FBXW8: variants seen among roughly 807,000 people sequenced by gnomAD.
The protein encoded by FBXW8 is F-box and WD repeat domain containing 8, also known as F-box/WD repeat-containing protein 8.
In FBXW8, 57 loss-of-function variants were observed where a neutral mutation model predicts 65.3. That is an observed-to-expected ratio of 0.87 (90% confidence interval 0.71 to 1.09). FBXW8 has a LOEUF of 1.09. Among genes scored for constraint, FBXW8 ranks in the 50% least tolerant of loss-of-function variants. The pLI is 0.00. For synonymous variants in FBXW8, 308 were observed against 330.2 expected (o/e 0.93, Z 0.73); for missense variants, 777 against 814.8 (o/e 0.95, Z 0.57).
intron 4 of FBXW8, among the ~76,000 whole-genome samples, chr12:116,953,799 AAAAC>A (rs373066028): frequency 2.1e-5 from 3 of 145,714 alleles, no homozygotes; most frequent in African/African-American, 5.1e-5. Context: ...AAAACAAAAC[AAAAC>A]AAACAAACAA....
At chr12:116,938,577 C>T (rs571622050) in intron 2 of FBXW8, among the ~76,000 whole-genome samples, 123 of 152,318 alleles carry the variant, frequency 8.1e-4, no homozygotes, top group South Asian at 2.7e-3. Context: ...CTTCCAACAT[C>T]TTTAAGGTCC....
intron 7 of FBXW8, among the ~76,000 whole-genome samples, chr12:117,007,973 C>T (rs1479406807): frequency 6.6e-6 from 1 of 152,054 alleles, no homozygotes; most frequent in African/African-American, 2.4e-5. Flanking sequence ...AGTTCGGATT[C>T]GTTTGAATTA....
Position 116,925,155 on chromosome 12 carries a change from C to A in FBXW8, c.319-2868C>A, listed in dbSNP as rs1444162237. ...CATGTAGGTGGTTTAGTGGGTTTTC[C>A]TTTCAGAGAGGTCCTGAACTGAGCA... is the stretch of plus-strand genomic sequence containing the variant. On this transcript the variant is annotated intron_variant, in intron 1 of 10. Coordinates refer to ENST00000652555, the MANE Select transcript of FBXW8 (RefSeq NM_153348.3). 2.0e-5 allele frequency among the ~76,000 whole-genome samples: 3 copies of A among 152,040 alleles called. No homozygotes were observed. The East Asian group carries it at 5.8e-4, about 29-fold the overall frequency.
In FBXW8 at chr12:117,027,497, C is replaced by G. The variant is rs1954261290; in HGVS notation, c.1645C>G (p.His549Asp). ...CGCCGACCTGGACAGCTTCACTACTCACAGGAGGTTAGTGGTGGGGCCGGG... is the reference window on the plus strand; with the variant it reads ...CGCCGACCTGGACAGCTTCACTACTGACAGGAGGTTAGTGGTGGGGCCGGG... Reference protein sequence around the residue: ...RNADLDSFTTHRRHRGLIRAY... With the variant: ...RNADLDSFTTDRRHRGLIRAY... The change falls in exon 10 of 11, where the codon CAC (histidine) becomes GAC (aspartate). Residue 549 changes from histidine to aspartate, a missense_variant. By Grantham distance (81) the His-to-Asp change is moderately conservative. Transcript: ENST00000652555. 1 of 1,613,444 alleles carries G rather than the reference C, an allele frequency of 6.2e-7. No individual in the cohort carries two copies. The highest frequency in any genetic ancestry group is 1.3e-5 in the African/African-American group (1 of 75,020).
At chr12:116,945,157 A>T (rs1009145864) in intron 2 of FBXW8, among the ~76,000 whole-genome samples, 1 of 152,234 alleles carries the variant, frequency 6.6e-6, no homozygotes, top group Non-Finnish European at 1.5e-5. Flanking sequence ...GTGATATTAC[A>T]TGGTGGTACA....
intron 5 of FBXW8, among the ~76,000 whole-genome samples, chr12:116,966,858 A>G (rs1163751737): frequency 1.3e-5 from 2 of 152,068 alleles, no homozygotes; most frequent in Non-Finnish European, 2.9e-5. Context: ...AGCTGGGATT[A>G]TGAGTGCCCA....
chr12:116,960,205 G>A (rs1188333415), intron 4 of FBXW8, among the ~76,000 whole-genome samples: 1 of 152,168 alleles, frequency 6.6e-6, no homozygotes, highest in Non-Finnish European at 1.5e-5. Context: ...TTAGGGTTTG[G>A]TCCAGGTCCC....
rs887640129 is a variant in FBXW8, at chr12:116,985,095, T to C, written c.836-111T>C. 20 of 898,134 alleles carry C rather than the reference T, an allele frequency of 2.2e-5. No individual in the cohort carries two copies. The African/African-American group carries it at 3.2e-4, about 14-fold the overall frequency. The allele number at this position is 898,134 out of a possible 1,614,324, so 55.6% of individuals were successfully genotyped here. A position where few individuals can be genotyped will look rare whatever the true frequency, so the allele number is the denominator to read the frequency against. On this transcript the variant is annotated intron_variant, in intron 5 of 10. Coordinates refer to ENST00000652555, the MANE Select transcript of FBXW8 (RefSeq NM_153348.3). ...ATTTCGTGTTTAGACTTGGGTCTCA[T>C]TTCCAAGGTATCTCCGTTAAAAAAT... is the stretch of plus-strand genomic sequence containing the variant.
At chr12:117,006,035 G>A (rs1359993788) in intron 7 of FBXW8, among the ~76,000 whole-genome samples, 1 of 152,132 alleles carries the variant, frequency 6.6e-6, no homozygotes, top group Non-Finnish European at 1.5e-5. Context: ...CTTTTAAAAT[G>A]CTATTGTCTT....
chr12:116,953,009 A>G (rs1054396888), intron 4 of FBXW8, among the ~76,000 whole-genome samples: 6 of 152,182 alleles, frequency 3.9e-5, no homozygotes, highest in African/African-American at 1.4e-4. Context: ...AAGTGCTGGG[A>G]TTACAGGCGT....
intron 1 of FBXW8, among the ~76,000 whole-genome samples, chr12:116,916,941 C>G (rs909837503): frequency 6.0e-5 from 9 of 150,730 alleles, no homozygotes; most frequent in Admixed American, 5.3e-4. Context: ...AGGTGTGTAT[C>G]TGGGTTATGA....
intron 5 of FBXW8, among the ~76,000 whole-genome samples, chr12:116,982,921 C>T (rs1885418051): frequency 6.6e-6 from 1 of 152,162 alleles, no homozygotes; most frequent in South Asian, 2.1e-4. Context: ...GCTCATCCTG[C>T]ACTTTTCCAG....
chr12:117,004,816 A>T (rs1953637727), intron 7 of FBXW8, among the ~76,000 whole-genome samples: 1 of 151,742 alleles, frequency 6.6e-6, no homozygotes, highest in African/African-American at 2.4e-5. Flanking sequence ...CAGGCTCCTG[A>T]CACTGGAGGG....
chr12:116,935,352 A>C (rs1882079944), intron 2 of FBXW8, among the ~76,000 whole-genome samples: 1 of 152,196 alleles, frequency 6.6e-6, no homozygotes, highest in Admixed American at 6.5e-5. Context: ...CTTATAGCTA[A>C]AGATCTATAA....
At chr12:116,991,418 ACT>A (rs1277601215) in intron 7 of FBXW8, among the ~76,000 whole-genome samples, 2 of 152,160 alleles carry the variant, frequency 1.3e-5, no homozygotes, top group Non-Finnish European at 2.9e-5. Context: ...GTCATGGGTA[ACT>A]CTGTGAGATT....
chr12:117,025,647 C>T (rs1265912515), intron 9 of FBXW8, among the ~76,000 whole-genome samples: 4 of 152,308 alleles, frequency 2.6e-5, no homozygotes, highest in East Asian at 1.9e-4. Flanking sequence ...CTGCCTGGCC[C>T]GCCCCCTCGC....
chr12:116,996,189 G>A (rs1294945497), intron 7 of FBXW8, among the ~76,000 whole-genome samples: 1 of 152,184 alleles, frequency 6.6e-6, no homozygotes, highest in Non-Finnish European at 1.5e-5. Flanking sequence ...GGCACACGGC[G>A]TGCATCCTAA....
At chr12:116,915,525 C>T (rs1406453938) in intron 1 of FBXW8, among the ~76,000 whole-genome samples, 2 of 152,162 alleles carry the variant, frequency 1.3e-5, no homozygotes, top group African/African-American at 2.4e-5. Context: ...AACCACCTCC[C>T]CTGCCCTGTG....
chr12:116,955,142 C>T (rs1388318069), intron 4 of FBXW8, among the ~76,000 whole-genome samples: 2 of 152,102 alleles, frequency 1.3e-5, no homozygotes, highest in East Asian at 1.9e-4. Context: ...GAAAACTCCC[C>T]TTCGGCGATT....
Sources: gnomAD v4.1 joint callset for allele counts (sites outside exome capture counted in the v4.1 genomes callset) on GRCh38, gnomAD v4.1.1 for gene constraint, MANE v1.5 for transcripts, NCBI Gene and HGNC (gene_info 2026-07-23, HGNC 2026-07-21) for gene names.